Variants in ZNF407 observed in about 807,000 individuals in gnomAD.
ZNF407 encodes the protein zinc finger protein 407.
A neutral mutation model predicts 131.2 loss-of-function variants in ZNF407; 17 were observed. That is an observed-to-expected ratio of 0.13 (90% confidence interval 0.09 to 0.19). The LOEUF is 0.19. ZNF407 is among the 10% of genes least tolerant of loss of function. The pLI is 1.00. For missense variants in ZNF407, 2,681 were observed against 2,830.6 expected (o/e 0.95, Z 1.20); for synonymous variants, 1,156 against 1,062.0 (o/e 1.09, Z -1.72).
intron 3 of ZNF407, among the ~76,000 whole-genome samples, chr18:74,688,451 G>A (rs1172041450): frequency 3.3e-5 from 5 of 152,152 alleles, no homozygotes; most frequent in Admixed American, 6.5e-5. Context: ...TGAATTGGGA[G>A]GCAGATCAAA....
chr18:74,601,430 C>T (rs998584611), intron 1 of ZNF407, among the ~76,000 whole-genome samples: 6 of 151,688 alleles, frequency 4.0e-5, no homozygotes, highest in Non-Finnish European at 4.4e-5. Context: ...GGCATGATGT[C>T]TTACTCATAG....
intron 8 of ZNF407, among the ~76,000 whole-genome samples, chr18:75,002,773 C>A (rs1472400285): frequency 3.4e-5 from 5 of 147,782 alleles, no homozygotes; most frequent in Admixed American, 6.8e-5. Context: ...CCACTGCACT[C>A]CAGCCTGGGC....
At chr18:74,832,778 G>A (rs564722085) in intron 4 of ZNF407, among the ~76,000 whole-genome samples, 1 of 152,202 alleles carries the variant, frequency 6.6e-6, no homozygotes, top group South Asian at 2.1e-4. Flanking sequence ...ATGACTTTAT[G>A]ACCTGTTTCT....
chr18:75,045,260 A>G (rs573349467), intron 8 of ZNF407, among the ~76,000 whole-genome samples: 57 of 152,346 alleles, frequency 3.7e-4, no homozygotes, highest in African/African-American at 1.3e-3. Flanking sequence ...GAAAGAAAAT[A>G]TAATCTAACT....
In ZNF407 at chr18:75,064,183, C is replaced by T; in HGVS notation, c.6462C>T (p.Ala2154=). 6.2e-7 allele frequency: 1 copy of T among 1,604,690 alleles called. No individual in the cohort carries two copies. Among genetic ancestry groups the T allele is most frequent in the South Asian group, 1.1e-5 (1 of 89,152 alleles). ...QIIVTEELVQ[A]MVQESSGGFS... ...TCGTGACGGAGGAGCTGGTCCAGGCCATGGTGCAGGAGTCCAGTGGCGGCT... is the reference window on the plus strand; with the variant it reads ...TCGTGACGGAGGAGCTGGTCCAGGCTATGGTGCAGGAGTCCAGTGGCGGCT... Residue 2154 remains alanine, a synonymous_variant, in exon 9 of 9, where the codon GCC becomes GCT. Transcript: ENST00000299687.
At chr18:74,863,460 C>T (rs1970966627) in intron 4 of ZNF407, among the ~76,000 whole-genome samples, 1 of 151,790 alleles carries the variant, frequency 6.6e-6, no homozygotes, top group Non-Finnish European at 1.5e-5. Flanking sequence ...TGTCTTTTAC[C>T]ACCTCCAGTT....
intron 3 of ZNF407, among the ~76,000 whole-genome samples, chr18:74,755,733 C>CTTTCTTTCTTTCTTTA (rs1968928693): frequency 2.2e-5 from 2 of 90,908 alleles, no homozygotes; most frequent in African/African-American, 7.0e-5. Context: ...TCTTTCCTTT[C>CTTTCTTTCTTTCTTTA]TTTCTTTCTT....
At chr18:74,803,638 G>A (rs545979823) in intron 4 of ZNF407, among the ~76,000 whole-genome samples, 68 of 152,162 alleles carry the variant, frequency 4.5e-4, no homozygotes, top group African/African-American at 1.5e-3. Flanking sequence ...TAAAGAATTC[G>A]AAAAGGCAGA....
chr18:74,698,206 T>C (rs879727677), intron 3 of ZNF407, among the ~76,000 whole-genome samples: 6 of 152,236 alleles, frequency 3.9e-5, no homozygotes, highest in Non-Finnish European at 7.3e-5. Flanking sequence ...AGGGACTTTC[T>C]ACAAATGAAT....
chr18:74,761,995 C>T (rs950322793), intron 3 of ZNF407, among the ~76,000 whole-genome samples: 23 of 152,022 alleles, frequency 1.5e-4, no homozygotes, highest in Admixed American at 8.5e-4. Flanking sequence ...AAGTTATAGT[C>T]GTAGAAGGGA....
At chr18:74,719,856 T>C (rs1452421051) in intron 3 of ZNF407, among the ~76,000 whole-genome samples, 2 of 152,222 alleles carry the variant, frequency 1.3e-5, no homozygotes, top group African/African-American at 4.8e-5. Context: ...TATGGCTGAG[T>C]AATACTCCAT....
intron 8 of ZNF407, among the ~76,000 whole-genome samples, chr18:74,953,533 C>CATTTGTT (rs1287540035): frequency 6.6e-6 from 1 of 152,122 alleles, no homozygotes; most frequent in African/African-American, 2.4e-5. Context: ...CCTTGTATTA[C>CATTTGTT]ATTTCATTCC....
rs951327074 is a variant in ZNF407 at position 75,065,626 on chromosome 18, G to A, written c.*1158G>A. 1 of 152,198 alleles carries A rather than the reference G, an allele frequency of 6.6e-6. No individual in the cohort carries two copies. The highest frequency in any genetic ancestry group is 1.5e-5 in the Non-Finnish European group (1 of 68,030). The allele number at this position is 152,198 out of a possible 1,614,324, so 9.4% of individuals were successfully genotyped here. On this transcript the variant is annotated 3_prime_UTR_variant, in exon 9 of 9. Coordinates refer to ENST00000299687, the MANE Select transcript of ZNF407 (RefSeq NM_017757.3). ...TCCCTCAAATGCAAAGGTTGTTTTTGTTCTGTTTCTGTTTTCTTTGAAATA... is the reference window on the plus strand; with the variant it reads ...TCCCTCAAATGCAAAGGTTGTTTTTATTCTGTTTCTGTTTTCTTTGAAATA...
At chr18:74,984,536 T>G (rs1382753906) in intron 8 of ZNF407, among the ~76,000 whole-genome samples, 2 of 152,230 alleles carry the variant, frequency 1.3e-5, no homozygotes, top group Non-Finnish European at 2.9e-5. Flanking sequence ...TTATGACCTT[T>G]TATAGGTCTT....
chr18:74,777,811 G>A (rs1361398150), intron 3 of ZNF407, among the ~76,000 whole-genome samples: 2 of 151,918 alleles, frequency 1.3e-5, no homozygotes, highest in Non-Finnish European at 2.9e-5. Context: ...GCTAGGTGTG[G>A]TGGCTCACAC....
At chr18:74,808,658 C>T (rs1402353795) in intron 4 of ZNF407, among the ~76,000 whole-genome samples, 8 of 152,114 alleles carry the variant, frequency 5.3e-5, no homozygotes, top group Non-Finnish European at 7.4e-5. Context: ...ATTGCTTAAA[C>T]AGTACATATG....
At chr18:74,708,396 T>A (rs530696182) in intron 3 of ZNF407, among the ~76,000 whole-genome samples, 1 of 152,320 alleles carries the variant, frequency 6.6e-6, no homozygotes, top group African/African-American at 2.4e-5. Flanking sequence ...AGTTACTGTG[T>A]TTTATGGTTG....
intron 8 of ZNF407, among the ~76,000 whole-genome samples, chr18:75,038,002 A>G (rs1384027836): frequency 1.3e-5 from 2 of 152,344 alleles, no homozygotes; most frequent in Admixed American, 1.3e-4. Context: ...TTATAACTAA[A>G]TATCCATAAT....
In ZNF407 at chr18:74,972,454, C is replaced by G. The variant is rs35410745; in HGVS notation, c.5428+51762C>G. ...CTTCCTGTCTCCTTTTAGGCTATCA[C>G]TGCCCAAGTGTTGAAGCTGGAGGTT... On this transcript the variant is annotated intron_variant, in intron 8 of 8. Coordinates refer to ENST00000299687, the MANE Select transcript of ZNF407 (RefSeq NM_017757.3). Among the ~76,000 whole-genome samples the G allele has an allele frequency of 3.5e-3, 526 of 152,318 alleles. 2 individuals carry two copies. Among genetic ancestry groups the G allele is most frequent in the Middle Eastern group, 0.01 (3 of 294 alleles).
Sources: gnomAD v4.1 joint callset for allele counts (sites outside exome capture counted in the v4.1 genomes callset) on GRCh38, gnomAD v4.1.1 for gene constraint, MANE v1.5 for transcripts, NCBI Gene and HGNC (gene_info 2026-07-23, HGNC 2026-07-21) for gene names.